The following ATM variants were observed in gnomAD, a reference collection of about 807,000 sequenced individuals.
ATM encodes the protein serine-protein kinase ATM.
In ATM, 308 loss-of-function variants were observed where a neutral mutation model predicts 387.0. That is an observed-to-expected ratio of 0.80 (90% CI 0.73 to 0.87). The LOEUF (loss-of-function observed/expected upper bound fraction) is 0.87. Ranked by LOEUF, ATM falls within the 40% of genes least tolerant of loss-of-function variation. ATM has a pLI of 0.00. For missense variants in ATM, 3,312 were observed against 3,560.9 expected (o/e 0.93, Z 1.78); for synonymous variants, 1,156 against 1,187.3 (o/e 0.97, Z 0.54).
Position 108,271,231 on chromosome 11 carries a change from T to G in ATM, c.2922-20T>G, listed in dbSNP as rs768172184. The G allele has an allele frequency of 1.0e-5, 13 of 1,296,082 alleles. No individual in the cohort carries two copies. In the African/African-American group the frequency reaches 1.3e-4, roughly 13 times the overall value. The allele number at this position is 1,296,082 out of a possible 1,614,324, so 80.3% of individuals were successfully genotyped here. On this transcript the variant is annotated intron_variant, in intron 19 of 62. Transcript: ENST00000675843. Reference sequence around the variant, plus strand: ...CTGTTAAGCTTATAAAGTTGAACTTTTTTTTTTTTTTTACCACAGCAATGT... The same window carrying G: ...CTGTTAAGCTTATAAAGTTGAACTTGTTTTTTTTTTTTACCACAGCAATGT...
chr11:108,297,404 C>G (rs761363095), intron 33 of ATM, 22 bp downstream of exon 33: 6 of 1,567,188 alleles, frequency 3.8e-6, no homozygotes, highest in Non-Finnish European at 5.3e-6. Context: ...TCATGCGCTG[C>G]GTGACATTTC....
intron 38 of ATM, chr11:108,308,395 T>C (rs749837376): frequency 1.2e-4 from 29 of 244,718 alleles, no homozygotes; most frequent in Non-Finnish European, 2.2e-4. Flanking sequence ...TATTTTAAGA[T>C]GTAAGTTTCT....
In ATM at chr11:108,361,765, AT is replaced by A. The variant is rs2090790383; in HGVS notation, c.8851-3316del. ...GCCATATGGAGAAAGCTGAAACTGG[AT>A]CCCTTCCTTACACCTGATACAAAAA... On this transcript the variant is annotated intron_variant, in intron 61 of 62. Coordinates refer to ENST00000675843, the MANE Select transcript of ATM (RefSeq NM_000051.4). Among the ~76,000 whole-genome samples the A allele has an allele frequency of 3.3e-5, 5 of 152,132 alleles. No homozygotes were observed. In the South Asian group the frequency reaches 1.0e-3, roughly 32 times the overall value.
chr11:108,281,156 C>T lies in ATM; in HGVS notation c.3564C>T (p.His1188=), dbSNP rs771172636. Residue 1188 remains histidine, a synonymous_variant, in exon 24 of 63, where the codon CAC becomes CAT. Coordinates refer to ENST00000675843, the MANE Select transcript of ATM (RefSeq NM_000051.4). ...TGAAAGAGAATGGATTAGAACCTCA[C>T]CTTGTGAAAAAGGTATATATGGATG... The part of the protein sequence containing the change: ...KSVKENGLEP[H]LVKKVLEKVS... 6.2e-7 allele frequency: 1 copy of T among 1,613,764 alleles called. No individual in the cohort carries two copies. Among genetic ancestry groups the T allele is most frequent in the Non-Finnish European group, 8.5e-7 (1 of 1,179,860 alleles).
intron 61 of ATM, among the ~76,000 whole-genome samples, chr11:108,359,680 C>G (rs1443661187): frequency 1.3e-5 from 2 of 152,134 alleles, no homozygotes; most frequent in Non-Finnish European, 2.9e-5. Flanking sequence ...ACCAAACAAC[C>G]TGCTCCTGAA....
At position 108,307,998 on chromosome 11, in the gene ATM, T is replaced by G; in HGVS notation, c.5762+14T>G. 3 of 1,593,166 alleles carry G rather than the reference T, an allele frequency of 1.9e-6. No individual in the cohort carries two copies. Among genetic ancestry groups the G allele is most frequent in the Non-Finnish European group, 2.6e-6 (3 of 1,161,306 alleles). On this transcript the variant is annotated intron_variant, in intron 38 of 62. Transcript: ENST00000675843. ...AAGACAAAAGAGGTAATGTAATGAG[T>G]GTTGCTTCTTACGTTTAGGATCTAG...
At chr11:108,315,985 G>T (rs2136125534) in intron 41 of ATM, 26 bp from the exon 42 acceptor site, 1 of 1,612,676 alleles carries the variant, frequency 6.2e-7, no homozygotes, top group Non-Finnish European at 8.5e-7. Context: ...AAAACCCAAA[G>T]CTATTTTCAC....
chr11:108,241,749 T>G (rs1321683510), intron 5 of ATM, among the ~76,000 whole-genome samples: 1 of 133,544 alleles, frequency 7.5e-6, no homozygotes, highest in African/African-American at 2.8e-5. Context: ...TTTCTTTTTT[T>G]TTTTTTTTTT....
At chr11:108,233,818 G>C (rs1036019034) in intron 4 of ATM, among the ~76,000 whole-genome samples, 1 of 152,024 alleles carries the variant, frequency 6.6e-6, no homozygotes, top group Non-Finnish European at 1.5e-5. Flanking sequence ...CTGCACTCCA[G>C]CTTGGGTGAC....
intron 20 of ATM, among the ~76,000 whole-genome samples, chr11:108,272,198 A>G (rs988752285): frequency 6.6e-5 from 10 of 152,198 alleles, no homozygotes; most frequent in Non-Finnish European, 1.5e-4. Context: ...GAAATCTTCA[A>G]TATACCAAAC....
intron 5 of ATM, 21 bp downstream of exon 5, chr11:108,235,855 T>C (rs2079251292): frequency 6.2e-7 from 1 of 1,613,350 alleles, no homozygotes; most frequent in East Asian, 2.2e-5. Context: ...AAGGTTGTTG[T>C]TTGTGAATTT....
intron 56 of ATM, among the ~76,000 whole-genome samples, chr11:108,338,870 A>G (rs1272874605): frequency 6.6e-6 from 1 of 152,174 alleles, no homozygotes; most frequent in Admixed American, 6.5e-5. Flanking sequence ...GCCTTTAGTT[A>G]AGGTTCCCTA....
intron 26 of ATM, among the ~76,000 whole-genome samples, chr11:108,284,836 C>T (rs1432447871): frequency 6.6e-6 from 1 of 152,204 alleles, no homozygotes; most frequent in Non-Finnish European, 1.5e-5. Flanking sequence ...TTCAATCTCA[C>T]CAAGCTTTCC....
At chr11:108,282,935 A>T (rs2082312269) in intron 25 of ATM, 56 bp downstream of exon 25, 1 of 1,189,824 alleles carries the variant, frequency 8.4e-7, no homozygotes, top group Admixed American at 2.0e-5. Context: ...AGTTAACAAT[A>T]CTTAGCAAGT....
chr11:108,243,923 C>G (rs1330574241), intron 5 of ATM, 30 bp from the exon 6 acceptor site: 3 of 1,489,140 alleles, frequency 2.0e-6, no homozygotes, highest in Non-Finnish European at 2.7e-6. Flanking sequence ...TTTAAAAAAT[C>G]ATGACTAATA....
chr11:108,312,792 T>A (rs1370405058), intron 40 of ATM, among the ~76,000 whole-genome samples: 3 of 152,216 alleles, frequency 2.0e-5, no homozygotes, highest in Non-Finnish European at 4.4e-5. Context: ...ATTTCCTTTA[T>A]AGCACTTAGG....
At chr11:108,346,546 CTATA>C (rs1247212246) in intron 58 of ATM, 3 of 151,550 alleles carry the variant, frequency 2.0e-5, no homozygotes, top group African/African-American at 7.3e-5. Context: ...CACTTACATA[CTATA>C]CCCCAGGAAG....
At chr11:108,270,177 T>G (rs1038768972) in intron 18 of ATM, among the ~76,000 whole-genome samples, 3 of 152,238 alleles carry the variant, frequency 2.0e-5, no homozygotes, top group African/African-American at 7.2e-5. Flanking sequence ...AACTGGTCGT[T>G]GCAGCAGCCC....
intron 6 of ATM, 29 bp from the exon 7 acceptor site, chr11:108,244,758 AC>A: frequency 6.5e-7 from 1 of 1,530,492 alleles, no homozygotes; most frequent in Non-Finnish European, 9.1e-7. Context: ...CCCCTGTTAT[AC>A]CCAGTTGAGC....
Sources: allele counts gnomAD v4.1 joint callset (sites outside exome capture counted in the v4.1 genomes callset), GRCh38; gene constraint gnomAD v4.1.1; transcripts MANE v1.5; gene names NCBI Gene and HGNC (gene_info 2026-07-23, HGNC 2026-07-21).